Variants in WDPCP observed in about 807,000 individuals in gnomAD.
WDPCP encodes WD repeat-containing and planar cell polarity effector protein fritz homolog.
Under a neutral mutation model 93.1 loss-of-function variants are expected in WDPCP, and 71 were observed. That is an observed-to-expected ratio of 0.76 (90% CI 0.63 to 0.93). WDPCP has a LOEUF of 0.93. Ranked by LOEUF, WDPCP falls within the 40% of genes least tolerant of loss-of-function variation. The pLI is 0.00. For missense variants in WDPCP, 844 were observed against 887.4 expected (o/e 0.95, Z 0.62); for synonymous variants, 315 against 315.0 (o/e 1.00, Z 0.00).
At chr2:63,673,129 C>G (rs187357161) in intron 2 of WDPCP, among the ~76,000 whole-genome samples, 1 of 152,052 alleles carries the variant, frequency 6.6e-6, no homozygotes, top group Non-Finnish European at 1.5e-5. Context: ...TAGCATAATA[C>G]CTTAAGTGCA....
chr2:63,130,130 G>GT (rs1219310172), intron 17 of WDPCP, among the ~76,000 whole-genome samples: 1 of 151,946 alleles, frequency 6.6e-6, no homozygotes, highest in South Asian at 2.1e-4. Context: ...TAGTTTATCT[G>GT]TTTTTTTGTT....
chr2:63,401,226 A>C (rs1346670578), intron 10 of WDPCP, among the ~76,000 whole-genome samples: 1 of 152,236 alleles, frequency 6.6e-6, no homozygotes, highest in Non-Finnish European at 1.5e-5. Flanking sequence ...GAATGGGAGA[A>C]AAGTTTTGCA....
chr2:63,512,003 A>G (rs1702267212), intron 1 of WDPCP, among the ~76,000 whole-genome samples: 1 of 152,230 alleles, frequency 6.6e-6, no homozygotes, highest in Admixed American at 6.5e-5. Context: ...TATCCATCTG[A>G]CAAAGGGCTA....
chr2:63,519,058 C>T (rs1328970682), intron 1 of WDPCP: 2 of 10,742 alleles, frequency 1.9e-4, no homozygotes, highest in Non-Finnish European at 3.0e-4. Context: ...CATCCTGCCA[C>T]CCCCCCCCCA....
rs796093583 is a variant in WDPCP at position 63,806,797 on chromosome 2, G to A, written n.308+6825C>T. On this transcript the variant is annotated intron_variant and non_coding_transcript_variant, in intron 2 of 4. Coordinates refer to the WDPCP transcript ENST00000467687. ...AAGAAGAGAAATATGGCTCTGTTCC[G>A]CCCGGCTCACTGGTGGTCAGAGTTT... 5.1e-4 allele frequency among the ~76,000 whole-genome samples: 78 copies of A among 152,252 alleles called. 1 individual carries two copies. The highest frequency in any genetic ancestry group is 1.8e-3 in the African/African-American group (74 of 41,544).
At chr2:63,310,422 T>A (rs1517404) in intron 13 of WDPCP, among the ~76,000 whole-genome samples, 121,747 of 152,006 alleles carry the variant, frequency 0.8, 49,625 homozygotes, top group East Asian at 0.96. Context: ...TCAGTTTATT[T>A]TCTACAATGC....
At chr2:63,439,489 C>A (rs1473220230) in intron 7 of WDPCP, among the ~76,000 whole-genome samples, 1 of 151,860 alleles carries the variant, frequency 6.6e-6, no homozygotes, top group African/African-American at 2.4e-5. Flanking sequence ...GAAAACAAAA[C>A]CCTATTTTGA....
intron 10 of WDPCP, 129 bp from the exon 11 acceptor site, chr2:63,382,223 CCTT>C (rs1692373609): frequency 6.1e-6 from 5 of 823,640 alleles, no homozygotes; most frequent in Non-Finnish European, 9.6e-6. Flanking sequence ...GGACTGATCT[CCTT>C]CTCAACTAAT....
intron 2 of WDPCP, among the ~76,000 whole-genome samples, chr2:63,725,172 G>C (rs1669479903): frequency 6.6e-6 from 1 of 152,104 alleles, no homozygotes; most frequent in Non-Finnish European, 1.5e-5. Context: ...GTACTCGATA[G>C]ATAGTTTTTT....
chr2:63,716,177 C>CT (rs1431393748), intron 2 of WDPCP, among the ~76,000 whole-genome samples: 11 of 152,178 alleles, frequency 7.2e-5, no homozygotes, highest in Non-Finnish European at 1.3e-4. Context: ...GTCCACTTCT[C>CT]TGACTCTGGG....
intron 3 of WDPCP, among the ~76,000 whole-genome samples, chr2:63,620,090 G>A (rs1709717793): frequency 6.6e-6 from 1 of 152,114 alleles, no homozygotes; most frequent in African/African-American, 2.4e-5. Context: ...CACAAAACTG[G>A]GTGGCCATTT....
At chr2:63,788,744 C>G (rs1489642454) in intron 2 of WDPCP, among the ~76,000 whole-genome samples, 1 of 152,152 alleles carries the variant, frequency 6.6e-6, no homozygotes, top group African/African-American at 2.4e-5. Context: ...AAATGGTTTT[C>G]AAAAGCTATG....
intron 6 of WDPCP, among the ~76,000 whole-genome samples, chr2:63,472,142 C>T (rs1348744566): frequency 1.3e-5 from 2 of 151,846 alleles, no homozygotes; most frequent in African/African-American, 4.8e-5. Flanking sequence ...GATTCCCAAT[C>T]TTTTGTATGT....
At chr2:63,133,122 G>T (rs1055792735) in intron 17 of WDPCP, among the ~76,000 whole-genome samples, 1 of 152,126 alleles carries the variant, frequency 6.6e-6, no homozygotes, top group Non-Finnish European at 1.5e-5. Flanking sequence ...CATGCATCTT[G>T]CCTGGACCTG....
upstream of WDPCP, among the ~76,000 whole-genome samples, chr2:63,832,429 T>TC (rs1553458726): frequency 7.2e-4 from 108 of 150,254 alleles, no homozygotes; most frequent in African/African-American, 2.2e-3. Flanking sequence ...GGTGTTGGGG[T>TC]GGGGGGGGGA....
At chr2:63,784,220 G>A (rs992782460) in intron 2 of WDPCP, among the ~76,000 whole-genome samples, 1 of 152,026 alleles carries the variant, frequency 6.6e-6, no homozygotes, top group Non-Finnish European at 1.5e-5. Context: ...AGGAAGGGTG[G>A]GGTACTCTGA....
intron 14 of WDPCP, chr2:63,228,626 C>T (rs1678528139): frequency 1.3e-5 from 2 of 151,450 alleles, no homozygotes; most frequent in Non-Finnish European, 2.9e-5. Flanking sequence ...TGTTCCCCTT[C>T]TTGTGTCCAT....
chr2:63,346,283 C>T (rs576574810), intron 12 of WDPCP, among the ~76,000 whole-genome samples: 5 of 152,212 alleles, frequency 3.3e-5, no homozygotes, highest in East Asian at 1.9e-4. Flanking sequence ...CATCTGAAGC[C>T]GAGATGAGAT....
chr2:63,421,812 A>T (rs1349232958), intron 9 of WDPCP, among the ~76,000 whole-genome samples: 3 of 152,240 alleles, frequency 2.0e-5, no homozygotes, highest in African/African-American at 7.2e-5. Flanking sequence ...TAATAGCATG[A>T]TTATCTTGAA....
Sources: gnomAD v4.1 joint callset for allele counts (sites outside exome capture counted in the v4.1 genomes callset) on GRCh38, gnomAD v4.1.1 for gene constraint, MANE v1.5 for transcripts, NCBI Gene and HGNC (gene_info 2026-07-23, HGNC 2026-07-21) for gene names.